Variants in PLXDC2 observed in about 807,000 individuals in gnomAD.
The protein encoded by PLXDC2 is plexin domain-containing protein 2.
PLXDC2 carries 40 observed loss-of-function variants against 68.9 expected under a neutral mutation model. The ratio of observed to expected loss-of-function variants is 0.58; its 90% CI spans 0.45 to 0.76. The LOEUF is 0.76. Ranked by LOEUF, PLXDC2 falls within the 30% of genes least tolerant of loss-of-function variation. The pLI, the probability that PLXDC2 is intolerant of heterozygous loss-of-function variation, is 0.00. For synonymous variants in PLXDC2, 243 were observed against 234.2 expected (o/e 1.04, Z -0.34); for missense variants, 644 against 661.9 (o/e 0.97, Z 0.30).
intron 1 of PLXDC2, among the ~76,000 whole-genome samples, chr10:19,932,607 T>G (rs1304480034): frequency 3.3e-5 from 5 of 152,246 alleles, no homozygotes; most frequent in Admixed American, 3.3e-4. Context: ...ACCAACCATA[T>G]GTACTGGCAA....
Position 20,050,929 on chromosome 10 carries a change from A to G in PLXDC2, c.471+3914A>G, listed in dbSNP as rs563586837. ...AAATCATTCTACCATAAAGATACAC[A>G]CATGTGAATGTTTATTGCAGCACTA... is the stretch of plus-strand genomic sequence containing the variant. On this transcript the variant is annotated intron_variant, in intron 3 of 13. Coordinates refer to ENST00000377252, the MANE Select transcript of PLXDC2 (RefSeq NM_032812.9). Among the ~76,000 whole-genome samples, 4 of 152,188 alleles carry G rather than the reference A, an allele frequency of 2.6e-5. No individual in the cohort carries two copies. The South Asian group carries it at 8.3e-4, about 32-fold the overall frequency.
chr10:19,947,770 T>C (rs1833927922), intron 1 of PLXDC2, among the ~76,000 whole-genome samples: 1 of 150,474 alleles, frequency 6.6e-6, no homozygotes, highest in Non-Finnish European at 1.5e-5. Flanking sequence ...ACTTTTACTA[T>C]AGTTAATTAT....
intron 2 of PLXDC2, among the ~76,000 whole-genome samples, chr10:20,022,653 A>G (rs1001824827): frequency 3.3e-5 from 5 of 152,134 alleles, no homozygotes; most frequent in Non-Finnish European, 7.3e-5. Flanking sequence ...TGACACATTC[A>G]GTATGGGTCC....
chr10:19,830,671 A>G (rs886777225), intron 1 of PLXDC2, among the ~76,000 whole-genome samples: 1 of 144,162 alleles, frequency 6.9e-6, no homozygotes, highest in Non-Finnish European at 1.5e-5. Flanking sequence ...GTGGCCATGC[A>G]GAGTGTATCT....
At chr10:20,259,071 A>G (rs1329395112) in intron 13 of PLXDC2, among the ~76,000 whole-genome samples, 1 of 152,072 alleles carries the variant, frequency 6.6e-6, no homozygotes, top group East Asian at 1.9e-4. Flanking sequence ...AGGATGAGCT[A>G]AGAGGAAGCT....
chr10:20,213,707 A>T (rs1489710539), intron 10 of PLXDC2, among the ~76,000 whole-genome samples: 1 of 152,080 alleles, frequency 6.6e-6, no homozygotes, highest in Non-Finnish European at 1.5e-5. Flanking sequence ...ACATGTTATG[A>T]TCTTTAAAGT....
chr10:20,155,366 G>A (rs1368849474), intron 6 of PLXDC2, among the ~76,000 whole-genome samples: 2 of 152,134 alleles, frequency 1.3e-5, no homozygotes, highest in African/African-American at 4.8e-5. Context: ...TTAGATATAA[G>A]GTAATTTCCT....
At chr10:19,908,312 C>G (rs1031260175) in intron 1 of PLXDC2, among the ~76,000 whole-genome samples, 2 of 152,080 alleles carry the variant, frequency 1.3e-5, no homozygotes, top group East Asian at 3.9e-4. Flanking sequence ...TGGCGGTAAT[C>G]TGCAATATTT....
chr10:19,887,615 GATAA>G (rs1837873209), intron 1 of PLXDC2, among the ~76,000 whole-genome samples: 1 of 152,142 alleles, frequency 6.6e-6, no homozygotes, highest in South Asian at 2.1e-4. Context: ...GAGTACCTGG[GATAA>G]ATAAAAAGTG....
chr10:20,268,059 TAGTC>T (rs1220424977), intron 13 of PLXDC2, among the ~76,000 whole-genome samples: 1 of 152,170 alleles, frequency 6.6e-6, no homozygotes, highest in African/African-American at 2.4e-5. Flanking sequence ...ACACTGTTAT[TAGTC>T]AGTTATAACA....
chr10:20,115,385 G>C (rs1303299073), intron 4 of PLXDC2, among the ~76,000 whole-genome samples: 1 of 152,150 alleles, frequency 6.6e-6, no homozygotes, highest in African/African-American at 2.4e-5. Flanking sequence ...ACACACTGGA[G>C]CTGTTTCAGC....
intron 12 of PLXDC2, among the ~76,000 whole-genome samples, chr10:20,223,510 A>G (rs952304088): frequency 1.3e-5 from 2 of 151,818 alleles, no homozygotes; most frequent in African/African-American, 4.8e-5. Context: ...CAGGGTTTCC[A>G]CCATGTTGGC....
At chr10:20,075,608 T>C (rs989791972) in intron 4 of PLXDC2, among the ~76,000 whole-genome samples, 5 of 152,066 alleles carry the variant, frequency 3.3e-5, no homozygotes, top group Non-Finnish European at 4.4e-5. Flanking sequence ...GGAAGCATAA[T>C]TGGAAATTAA....
chr10:20,144,522 CTAAG>C (rs1834048012), intron 5 of PLXDC2, among the ~76,000 whole-genome samples: 1 of 152,138 alleles, frequency 6.6e-6, no homozygotes, highest in East Asian at 1.9e-4. Flanking sequence ...TTAGGTAACT[CTAAG>C]TGTTAGCTGC....
intron 1 of PLXDC2, among the ~76,000 whole-genome samples, chr10:19,902,263 G>A (rs776577814): frequency 6.6e-6 from 1 of 152,112 alleles, no homozygotes; most frequent in African/African-American, 2.4e-5. Flanking sequence ...GCTTTTGGCA[G>A]TATGGTCATT....
chr10:19,937,846 G>A (rs1194611758), intron 1 of PLXDC2, among the ~76,000 whole-genome samples: 2 of 152,060 alleles, frequency 1.3e-5, no homozygotes, highest in East Asian at 1.9e-4. Flanking sequence ...AGGAGGCAAC[G>A]TCCAGTCCTT....
intron 2 of PLXDC2, among the ~76,000 whole-genome samples, chr10:20,003,647 G>C (rs1040854742): frequency 6.6e-6 from 1 of 152,112 alleles, no homozygotes; most frequent in African/African-American, 2.4e-5. Context: ...GGCCAGGCTG[G>C]TCTTGAACTC....
chr10:20,147,671 T>C, intron 5 of PLXDC2, 113 bp from the exon 6 acceptor site: 1 of 642,364 alleles, frequency 1.6e-6, no homozygotes, highest in Non-Finnish European at 2.8e-6. Context: ...ATCGAAATAG[T>C]ACAACTACCA....
chr10:20,160,715 A>G (rs1470176842), intron 6 of PLXDC2, among the ~76,000 whole-genome samples: 2 of 152,172 alleles, frequency 1.3e-5, no homozygotes, highest in African/African-American at 4.8e-5. Flanking sequence ...TTTGAAATGC[A>G]CAGACAAAAG....
Sources: allele counts gnomAD v4.1 joint callset (sites outside exome capture counted in the v4.1 genomes callset), GRCh38; gene constraint gnomAD v4.1.1; transcripts MANE v1.5; gene names NCBI Gene and HGNC (gene_info 2026-07-23, HGNC 2026-07-21).